The following MARK1 variants were observed in gnomAD, a reference collection of about 807,000 sequenced individuals.
MARK1 encodes the protein microtubule affinity regulating kinase 1, also known as serine/threonine-protein kinase MARK1.
Under a neutral mutation model 96.3 loss-of-function variants are expected in MARK1, and 40 were observed. The ratio of observed to expected loss-of-function variants is 0.42; its 90% CI spans 0.32 to 0.54. The LOEUF (loss-of-function observed/expected upper bound fraction) is 0.54. MARK1 is among the 20% of genes least tolerant of loss of function. MARK1 has a pLI of 0.16. For missense variants in MARK1, 719 were observed against 984.6 expected, an observed-to-expected ratio of 0.73 and a Z score of 3.61; for synonymous variants, 317 against 341.2, an observed-to-expected ratio of 0.93 and a Z score of 0.78.
At chr1:220,637,651 C>T (rs1263270411) in intron 13 of MARK1, among the ~76,000 whole-genome samples, 2 of 151,884 alleles carry the variant, frequency 1.3e-5, no homozygotes, top group African/African-American at 2.4e-5. Flanking sequence ...TGCACTGCAG[C>T]CTGGGCAACA....
intron 6 of MARK1, among the ~76,000 whole-genome samples, chr1:220,609,832 A>G (rs1039429666): frequency 1.4e-4 from 22 of 152,222 alleles, no homozygotes; most frequent in African/African-American, 5.3e-4. Context: ...TTGGCTGAAT[A>G]TGAAATTCTG....
At chr1:220,570,873 A>G (rs1028778026) in intron 1 of MARK1, among the ~76,000 whole-genome samples, 1 of 152,122 alleles carries the variant, frequency 6.6e-6, no homozygotes, top group Admixed American at 6.5e-5. Flanking sequence ...ATATGGTACA[A>G]TTTCTCCCTT....
At chr1:220,631,873 C>A (rs1667697715) in intron 10 of MARK1, among the ~76,000 whole-genome samples, 2 of 152,110 alleles carry the variant, frequency 1.3e-5, no homozygotes, top group African/African-American at 4.8e-5. Context: ...GAGAGAAAGA[C>A]AGAGAATTTT....
chr1:220,614,101 A>G (rs1666606459), intron 6 of MARK1, among the ~76,000 whole-genome samples: 1 of 151,928 alleles, frequency 6.6e-6, no homozygotes, highest in Non-Finnish European at 1.5e-5. Flanking sequence ...TCGACCTCCT[A>G]GGCTCAAGAA....
chr1:220,528,960 G>A, intron 1 of MARK1, 87 bp downstream of exon 1: 4 of 1,381,650 alleles, frequency 2.9e-6, no homozygotes, highest in Non-Finnish European at 3.9e-6. Flanking sequence ...CGTCCCCCGT[G>A]CCTCGGCGCG....
intron 1 of MARK1, among the ~76,000 whole-genome samples, chr1:220,544,513 T>C (rs1359606808): frequency 6.6e-6 from 1 of 152,224 alleles, no homozygotes; most frequent in Non-Finnish European, 1.5e-5. Context: ...CTGAAGGCCG[T>C]CACGAGATGC....
chr1:220,529,528 G>A (rs1660164011), intron 1 of MARK1, among the ~76,000 whole-genome samples: 1 of 152,148 alleles, frequency 6.6e-6, no homozygotes, highest in African/African-American at 2.4e-5. Context: ...ATGTTGAAAA[G>A]CCACATGAAG....
In MARK1 at chr1:220,652,459, A is replaced by T. The variant is rs545027444; in HGVS notation, c.1736+309A>T. ...AATTGATTTTTTTATTATTTAAACC[A>T]TACGAACAAACACTAGACTGTGAGT... On this transcript the variant is annotated intron_variant, in intron 15 of 17. Transcript: ENST00000366917. Among the ~76,000 whole-genome samples, 7 of 152,340 alleles carry T rather than the reference A, an allele frequency of 4.6e-5. No homozygotes were observed. The East Asian group carries it at 7.7e-4, about 17-fold the overall frequency.
rs74453691 is a variant in MARK1, at chr1:220,609,517, C to T, written c.495+5380C>T. 2.6e-5 allele frequency among the ~76,000 whole-genome samples: 4 copies of T among 152,128 alleles called. No individual in the cohort carries two copies. The East Asian group carries it at 7.7e-4, about 29-fold the overall frequency. On this transcript the variant is annotated intron_variant, in intron 6 of 17. Coordinates refer to ENST00000366917, the MANE Select transcript of MARK1 (RefSeq NM_018650.5). ...TCTTGACTCTTTATCCAATTTGCCA[C>T]TCTGTGTCTTTTAATTGGGGCATTT...
intron 1 of MARK1, among the ~76,000 whole-genome samples, chr1:220,550,300 G>A (rs1661772485): frequency 6.6e-6 from 1 of 152,048 alleles, no homozygotes; most frequent in Non-Finnish European, 1.5e-5. Context: ...TTATATTTTT[G>A]CCCCTTAGAA....
chr1:220,646,735 T>G (rs1033344852), intron 13 of MARK1, among the ~76,000 whole-genome samples: 1 of 152,058 alleles, frequency 6.6e-6, no homozygotes, highest in African/African-American at 2.4e-5. Context: ...AATAGAGAAC[T>G]CAGAAATAAA....
In MARK1 at chr1:220,624,052, C is replaced by G. The variant is rs369675266; in HGVS notation, c.909+5297C>G. Among the ~76,000 whole-genome samples, 96 of 152,330 alleles carry G rather than the reference C, an allele frequency of 6.3e-4. 1 individual carries two copies. In the East Asian group the frequency reaches 8.3e-3, roughly 13 times the overall value. On this transcript the variant is annotated intron_variant, in intron 9 of 17. Transcript: ENST00000366917. The stretch of plus-strand genomic sequence containing the variant: ...TTGGCTGACACCTGTAATCCTAGCA[C>G]TTTGGGAGGCCCAAGGGGGCGGATC...
In MARK1 at chr1:220,556,759, T is replaced by C. The variant is rs951607377; in HGVS notation, c.52-22595T>C. Among the ~76,000 whole-genome samples the C allele has an allele frequency of 3.9e-5, 6 of 152,198 alleles. No homozygotes were observed. In the East Asian group the frequency reaches 5.8e-4, roughly 15 times the overall value. ...TTATAGAAATGAAGTATGTTGTCAC[T>C]GAAATTAAAATCTCAGTAGAATGAT... On this transcript the variant is annotated intron_variant, in intron 1 of 17. Transcript: ENST00000366917.
intron 6 of MARK1, among the ~76,000 whole-genome samples, chr1:220,612,921 G>GA (rs370664236): frequency 6.1e-5 from 9 of 147,016 alleles, no homozygotes; most frequent in East Asian, 4.0e-4. Flanking sequence ...TGAGCCTACA[G>GA]AAAAAAAAAA....
chr1:220,530,824 G>A (rs1229036643), intron 1 of MARK1, among the ~76,000 whole-genome samples: 2 of 152,068 alleles, frequency 1.3e-5, no homozygotes, highest in Non-Finnish European at 2.9e-5. Context: ...TTATTGTGTT[G>A]TACATAATGA....
chr1:220,547,649 C>G (rs1661592176), intron 1 of MARK1, among the ~76,000 whole-genome samples: 1 of 152,116 alleles, frequency 6.6e-6, no homozygotes, highest in Admixed American at 6.5e-5. Context: ...ACTGCAAGCT[C>G]CACCTCCTGG....
At chr1:220,578,707 A>G (rs1303309584) in intron 1 of MARK1, among the ~76,000 whole-genome samples, 1 of 152,202 alleles carries the variant, frequency 6.6e-6, no homozygotes, top group East Asian at 1.9e-4. Flanking sequence ...CTTTTTAATG[A>G]AGCAGCCCTG....
intron 13 of MARK1, among the ~76,000 whole-genome samples, chr1:220,649,485 T>C (rs1369948866): frequency 6.6e-6 from 1 of 152,166 alleles, no homozygotes; most frequent in East Asian, 1.9e-4. Flanking sequence ...CTCCTAGGCC[T>C]CCCAAAGTGT....
rs1025263178 is a variant in MARK1 at position 220,653,356 on chromosome 1, A to C, written c.1988+4A>C. ...TCACATCCAAATTTGTTCGCAGGTC[A>C]GTACCAATGTACTGTCGTGTTTTGA... On this transcript the variant is annotated splice_donor_region_variant and intron_variant, in intron 16 of 17. Transcript: ENST00000366917. The C allele has an allele frequency of 6.2e-7, 1 of 1,614,194 alleles. No individual in the cohort carries two copies. Among genetic ancestry groups the C allele is most frequent in the Middle Eastern group, 1.7e-4 (1 of 6,060 alleles).
Sources: allele counts gnomAD v4.1 joint callset (sites outside exome capture counted in the v4.1 genomes callset), GRCh38; gene constraint gnomAD v4.1.1; transcripts MANE v1.5; gene names NCBI Gene and HGNC (gene_info 2026-07-23, HGNC 2026-07-21).